The following PUS10 variants were observed in gnomAD, a reference collection of about 807,000 sequenced individuals.
PUS10 encodes the protein pseudouridine synthase 10.
In PUS10, 59 loss-of-function variants were observed where a neutral mutation model predicts 75.0. The observed-to-expected ratio is 0.79, with a 90% CI of 0.64 to 0.98. PUS10 has a LOEUF of 0.98. PUS10 is among the 50% of genes least tolerant of loss of function. PUS10 has a pLI of 0.00. For synonymous variants in PUS10, 219 were observed against 211.6 expected (o/e 1.03, Z -0.30); for missense variants, 650 against 614.4 (o/e 1.06, Z -0.61).
intron 4 of PUS10, among the ~76,000 whole-genome samples, chr2:60,991,629 T>A (rs1558957992): frequency 6.6e-6 from 1 of 152,098 alleles, no homozygotes; most frequent in African/African-American, 2.4e-5. Flanking sequence ...GCTAATTTTT[T>A]ATTTTTTGTA....
At chr2:60,990,152 G>A (rs1161935154) in intron 4 of PUS10, among the ~76,000 whole-genome samples, 1 of 151,790 alleles carries the variant, frequency 6.6e-6, no homozygotes, top group Non-Finnish European at 1.5e-5. Context: ...ATACTCACAC[G>A]CACGCACGGG....
At chr2:61,011,018 A>G (rs1679563104) in intron 2 of PUS10, 1 of 1,256,956 alleles carries the variant, frequency 8.0e-7, no homozygotes, top group Non-Finnish European at 1.1e-6. Context: ...GAAACAACTA[A>G]TAACATTTTA....
chr2:61,017,752 C>G (rs779197248), intron 1 of PUS10: 2 of 1,548,368 alleles, frequency 1.3e-6, no homozygotes, highest in South Asian at 1.2e-5. Context: ...CGAGAGGAGG[C>G]GGAGGAGATG....
chr2:60,970,526 G>T (rs367598397), intron 5 of PUS10, among the ~76,000 whole-genome samples: 33 of 152,110 alleles, frequency 2.2e-4, no homozygotes, highest in African/African-American at 6.8e-4. Flanking sequence ...TTTAAATTCA[G>T]TTGGGAATCA....
rs776049170 is a variant in PUS10 at position 61,011,908 on chromosome 2, A to G, written c.-15-3T>C. On this transcript the variant is annotated splice_polypyrimidine_tract_variant and splice_region_variant and intron_variant, in intron 1 of 17. Transcript: ENST00000316752. ...GGGAACATATTGAATAATTATAACT[A>G]GAAAGAAAAGAAGTAAAACTAATGA... 1 of 1,587,132 alleles carries G rather than the reference A, an allele frequency of 6.3e-7. No individual in the cohort carries two copies. The highest frequency in any genetic ancestry group is 2.2e-5 in the East Asian group (1 of 44,508).
chr2:61,016,328 C>T (rs939308022), intron 1 of PUS10, among the ~76,000 whole-genome samples: 1 of 152,162 alleles, frequency 6.6e-6, no homozygotes, highest in African/African-American at 2.4e-5. Context: ...TCATTTTCAC[C>T]TACCAACAAT....
chr2:61,004,677 T>C (rs1168934972), intron 4 of PUS10, among the ~76,000 whole-genome samples: 2 of 127,944 alleles, frequency 1.6e-5, no homozygotes, highest in African/African-American at 5.9e-5. Context: ...AAACAGCAAA[T>C]CACGAAGTGA....
chr2:60,991,515 G>A (rs1168329683), intron 4 of PUS10, among the ~76,000 whole-genome samples: 1 of 152,024 alleles, frequency 6.6e-6, no homozygotes, highest in African/African-American at 2.4e-5. Context: ...GGAGTGCAAT[G>A]GCTCAATCTT....
intron 1 of PUS10, among the ~76,000 whole-genome samples, chr2:61,015,385 T>A (rs1222537046): frequency 6.6e-6 from 1 of 151,974 alleles, no homozygotes; most frequent in Non-Finnish European, 1.5e-5. Flanking sequence ...CTGTAATCCC[T>A]GCTACTCGGG....
chr2:60,940,680 C>G lies in PUS10; in HGVS notation c.*1715G>C, dbSNP rs1480229146. On this transcript the variant is annotated 3_prime_UTR_variant, in exon 18 of 18. Transcript: ENST00000316752. ...TCTTCATTCTTACATATTACAGGTCCACTAGATTCAAAGGTAAGCCAAAAA... is the reference window on the plus strand; with the variant it reads ...TCTTCATTCTTACATATTACAGGTCGACTAGATTCAAAGGTAAGCCAAAAA... 6.6e-6 allele frequency: 1 copy of G among 152,220 alleles called. No homozygotes were observed. Among genetic ancestry groups the G allele is most frequent in the Non-Finnish European group, 1.5e-5 (1 of 67,972 alleles). The allele number at this position is 152,220 out of a possible 1,614,324, so 9.4% of individuals were successfully genotyped here. A position where few individuals can be genotyped will look rare whatever the true frequency, so the allele number is the denominator to read the frequency against.
intron 16 of PUS10, among the ~76,000 whole-genome samples, chr2:60,945,519 C>T (rs1242638472): frequency 2.0e-5 from 3 of 152,184 alleles, no homozygotes; most frequent in Non-Finnish European, 4.4e-5. Flanking sequence ...TAGGTTTCCA[C>T]AGAGCCACAC....
At chr2:60,979,713 A>T (rs189220493) in intron 4 of PUS10, among the ~76,000 whole-genome samples, 3 of 152,350 alleles carry the variant, frequency 2.0e-5, no homozygotes, top group Admixed American at 2.0e-4. Context: ...CATGGTTGAG[A>T]AAAAAGAAAA....
intron 2 of PUS10, 53 bp from the exon 3 acceptor site, chr2:61,009,068 C>A: frequency 8.7e-6 from 13 of 1,492,736 alleles, no homozygotes; most frequent in Non-Finnish European, 1.2e-5. Flanking sequence ...GTCCTTAAGG[C>A]TTTCTAGGTA....
At chr2:60,965,760 G>T in intron 6 of PUS10, 1 of 230,948 alleles carries the variant, frequency 4.3e-6, no homozygotes, top group Non-Finnish European at 8.3e-6. Flanking sequence ...GTGTAAATTA[G>T]GTATAAAGAT....
At chr2:61,017,625 G>A (rs1232079690) in intron 1 of PUS10, 14 of 651,136 alleles carry the variant, frequency 2.2e-5, no homozygotes, top group South Asian at 2.1e-4. Context: ...AGTAACTCAA[G>A]CCTTGTCCTG....
intron 4 of PUS10, among the ~76,000 whole-genome samples, chr2:61,003,719 A>T (rs1012316808): frequency 6.6e-6 from 1 of 151,354 alleles, no homozygotes; most frequent in South Asian, 2.1e-4. Flanking sequence ...TAATTTTTAA[A>T]TTTTTTTGTA....
chr2:60,992,773 A>G (rs981376186), intron 4 of PUS10, among the ~76,000 whole-genome samples: 2 of 152,158 alleles, frequency 1.3e-5, no homozygotes, highest in Admixed American at 6.6e-5. Context: ...AGTTCCCCTC[A>G]CATTATCTTT....
chr2:61,011,972 G>A, intron 1 of PUS10, 67 bp from the exon 2 acceptor site: 2 of 1,306,210 alleles, frequency 1.5e-6, no homozygotes, highest in Non-Finnish European at 1.0e-6. Context: ...AAGTCATCAT[G>A]TTTAGGGATA....
intron 15 of PUS10, among the ~76,000 whole-genome samples, chr2:60,948,950 C>T (rs1250946498): frequency 3.3e-5 from 5 of 152,058 alleles, no homozygotes; most frequent in Non-Finnish European, 5.9e-5. Context: ...ATTTTCTTGT[C>T]GGAACAACTC....
Sources: gnomAD v4.1 joint callset for allele counts (sites outside exome capture counted in the v4.1 genomes callset) on GRCh38, gnomAD v4.1.1 for gene constraint, MANE v1.5 for transcripts, NCBI Gene and HGNC (gene_info 2026-07-23, HGNC 2026-07-21) for gene names.